CAMTA1: variants seen among roughly 807,000 people sequenced by gnomAD.
CAMTA1 encodes calmodulin binding transcription activator 1.
Under a neutral mutation model 170.9 loss-of-function variants are expected in CAMTA1, and 27 were observed. The observed-to-expected ratio is 0.16, with a 90% CI of 0.12 to 0.22. The LOEUF (loss-of-function observed/expected upper bound fraction) is 0.22, where lower values mean the gene tolerates loss of function less well. Among genes scored for constraint, CAMTA1 ranks in the 10% least tolerant of loss-of-function variants. The pLI is 1.00. For missense variants in CAMTA1, 1,619 were observed against 2,217.2 expected, an observed-to-expected ratio of 0.73 and a Z score of 5.42; for synonymous variants, 833 against 891.5, an observed-to-expected ratio of 0.93 and a Z score of 1.17.
At chr1:7,025,002 G>A (rs779775322) in intron 3 of CAMTA1, among the ~76,000 whole-genome samples, 6 of 152,150 alleles carry the variant, frequency 3.9e-5, no homozygotes, top group Non-Finnish European at 7.4e-5. Flanking sequence ...GGTCAGTGCT[G>A]GGGTGACTCC....
chr1:6,817,678 A>C (rs1449113340), intron 1 of CAMTA1, among the ~76,000 whole-genome samples: 1 of 152,172 alleles, frequency 6.6e-6, no homozygotes, highest in African/African-American at 2.4e-5. Context: ...CTGTCACCCA[A>C]GCTAGAGTGC....
intron 5 of CAMTA1, among the ~76,000 whole-genome samples, chr1:7,320,973 CCA>C (rs1678327813): frequency 2.6e-5 from 4 of 152,162 alleles, no homozygotes; most frequent in African/African-American, 7.2e-5. Context: ...CTGTGCCAAA[CCA>C]TCCTCAAAAT....
chr1:7,695,912 G>A (rs2096370721), intron 11 of CAMTA1, among the ~76,000 whole-genome samples: 1 of 152,110 alleles, frequency 6.6e-6, no homozygotes, highest in African/African-American at 2.4e-5. Context: ...CACAGAATTG[G>A]GCCTTCCTTT....
chr1:7,223,423 C>T (rs1173797606), intron 4 of CAMTA1, among the ~76,000 whole-genome samples: 2 of 151,786 alleles, frequency 1.3e-5, no homozygotes, highest in Non-Finnish European at 2.9e-5. Context: ...GAGGTAGGTG[C>T]TAACAGGGAG....
At chr1:7,647,651 C>A (rs1192182449) in intron 7 of CAMTA1, among the ~76,000 whole-genome samples, 1 of 152,192 alleles carries the variant, frequency 6.6e-6, no homozygotes, top group Non-Finnish European at 1.5e-5. Flanking sequence ...TGCCTGTGCC[C>A]ACCTTTTTTC....
chr1:6,870,397 A>G (rs1392730216), intron 3 of CAMTA1, among the ~76,000 whole-genome samples: 2 of 152,122 alleles, frequency 1.3e-5, no homozygotes, highest in African/African-American at 2.4e-5. Context: ...GGGCACTAAC[A>G]CTCGGACCGA....
chr1:6,963,149 C>T (rs1403311029), intron 3 of CAMTA1, among the ~76,000 whole-genome samples: 1 of 151,504 alleles, frequency 6.6e-6, no homozygotes, highest in East Asian at 2.0e-4. Context: ...CCATTTTGAC[C>T]CAGCTCCTTG....
chr1:7,414,694 CT>C (rs1464453876), intron 5 of CAMTA1, among the ~76,000 whole-genome samples: 2 of 151,700 alleles, frequency 1.3e-5, no homozygotes, highest in Non-Finnish European at 2.9e-5. Flanking sequence ...TTTTGTTGAT[CT>C]TTTAAAAAAA....
intron 4 of CAMTA1, among the ~76,000 whole-genome samples, chr1:7,212,043 TAA>T (rs1658868700): frequency 6.6e-6 from 1 of 152,172 alleles, no homozygotes; most frequent in Non-Finnish European, 1.5e-5. Context: ...AATAATGAAA[TAA>T]GAGTTAACCT....
Position 7,685,210 on chromosome 1 carries a change from C to T in CAMTA1, c.2914+7477C>T, listed in dbSNP as rs939609013. ...AGGAGCATCACAGGAAGTACAGTTC[C>T]GTTCAGTGTTTATTGAGCATTTACT... On this transcript the variant is annotated intron_variant, in intron 11 of 22. Transcript: ENST00000303635. The surrounding 1 kb of genome is among the most constrained non-coding windows in gnomAD (Gnocchi z 5.7). Among the ~76,000 whole-genome samples the T allele has an allele frequency of 6.6e-6, 1 of 152,138 alleles. No individual in the cohort carries two copies. Among genetic ancestry groups the T allele is most frequent in the African/African-American group, 2.4e-5 (1 of 41,422 alleles).
chr1:6,793,068 CTTATATATA>C (rs1641594412), intron 1 of CAMTA1, among the ~76,000 whole-genome samples: 1 of 151,464 alleles, frequency 6.6e-6, no homozygotes. Context: ...ATACCCCACT[CTTATATATA>C]TCTTATATAT....
intron 3 of CAMTA1, among the ~76,000 whole-genome samples, chr1:6,917,358 A>G (rs1009053269): frequency 6.6e-6 from 1 of 152,150 alleles, no homozygotes; most frequent in South Asian, 2.1e-4. Flanking sequence ...GGAGAGAGCC[A>G]GCTGATGAGA....
intron 1 of CAMTA1, among the ~76,000 whole-genome samples, chr1:6,801,281 G>A (rs1042028857): frequency 3.3e-5 from 5 of 152,010 alleles, no homozygotes; most frequent in East Asian, 1.9e-4. Context: ...TGATAGTGGC[G>A]ACCTCTCTAA....
chr1:6,809,274 AC>A (rs1349147564), intron 1 of CAMTA1, among the ~76,000 whole-genome samples: 1 of 151,856 alleles, frequency 6.6e-6, no homozygotes, highest in African/African-American at 2.4e-5. Flanking sequence ...TGATCCGCTC[AC>A]CTTGACCTCC....
At chr1:7,295,094 A>C (rs1301202988) in intron 5 of CAMTA1, among the ~76,000 whole-genome samples, 2 of 151,550 alleles carry the variant, frequency 1.3e-5, no homozygotes. Context: ...TCAAATACTG[A>C]CTCCACCTTC....
intron 5 of CAMTA1, among the ~76,000 whole-genome samples, chr1:7,417,234 T>A (rs1311585781): frequency 6.6e-6 from 1 of 152,286 alleles, no homozygotes; most frequent in Non-Finnish European, 1.5e-5. Context: ...GGGACCCACT[T>A]GAGGAGGCAG....
intron 5 of CAMTA1, among the ~76,000 whole-genome samples, chr1:7,306,130 T>C (rs1207995608): frequency 6.6e-6 from 1 of 152,064 alleles, no homozygotes; most frequent in East Asian, 1.9e-4. Context: ...TTCGTTGAAG[T>C]CCTATTTAGC....
intron 1 of CAMTA1, among the ~76,000 whole-genome samples, chr1:6,786,439 C>T (rs1639393589): frequency 6.6e-6 from 1 of 152,146 alleles, no homozygotes; most frequent in Non-Finnish European, 1.5e-5. Context: ...GCACAGGGGT[C>T]CGTCTGATCT....
chr1:7,765,802 G>A (rs556209196), intron 22 of CAMTA1, among the ~76,000 whole-genome samples: 5 of 152,200 alleles, frequency 3.3e-5, no homozygotes, highest in South Asian at 2.1e-4. Flanking sequence ...CTGGGTGGGC[G>A]GATCACGAGG....
Sources: gnomAD v4.1 joint callset for allele counts (sites outside exome capture counted in the v4.1 genomes callset) on GRCh38, gnomAD v4.1.1 for gene constraint, Gnocchi (gnomAD v3.1) non-coding constraint, MANE v1.5 for transcripts, NCBI Gene and HGNC (gene_info 2026-07-23, HGNC 2026-07-21) for gene names.